The following NCKAP1L variants were observed in gnomAD, a reference collection of about 807,000 sequenced individuals.
NCKAP1L encodes NCK associated protein 1 like.
In NCKAP1L, 53 loss-of-function variants were observed where a neutral mutation model predicts 139.2. The observed-to-expected ratio is 0.38, with a 90% CI of 0.31 to 0.48. The LOEUF (loss-of-function observed/expected upper bound fraction) is 0.48. Ranked by LOEUF, NCKAP1L falls within the 20% of genes least tolerant of loss-of-function variation. NCKAP1L has a pLI of 0.98. For synonymous variants in NCKAP1L, 468 were observed against 499.7 expected, an observed-to-expected ratio of 0.94 and a Z score of 0.85; for missense variants, 1,151 against 1,381.9, an observed-to-expected ratio of 0.83 and a Z score of 2.65.
intron 29 of NCKAP1L, among the ~76,000 whole-genome samples, chr12:54,537,884 C>T (rs1957125125): frequency 6.6e-6 from 1 of 152,026 alleles, no homozygotes; most frequent in South Asian, 2.1e-4. Context: ...AAATTTTAGC[C>T]AAAATTTGAC....
intron 9 of NCKAP1L, among the ~76,000 whole-genome samples, chr12:54,513,734 G>A (rs1241465083): frequency 9.9e-5 from 15 of 152,172 alleles, no homozygotes; most frequent in Admixed American, 9.8e-4. Context: ...CTGGGCTGCA[G>A]TGAGTTTAGG....
intron 29 of NCKAP1L, among the ~76,000 whole-genome samples, 162 bp downstream of exon 29, chr12:54,537,215 C>T (rs1447300149): frequency 6.6e-6 from 1 of 152,182 alleles, no homozygotes; most frequent in African/African-American, 2.4e-5. Flanking sequence ...GCAAGAGTTT[C>T]TTCTAAATTT....
chr12:54,532,549 T>A (rs1388439458), intron 26 of NCKAP1L, among the ~76,000 whole-genome samples: 2 of 152,140 alleles, frequency 1.3e-5, no homozygotes, highest in Non-Finnish European at 2.9e-5. Context: ...ATATGAGCAC[T>A]GTGCAAATTA....
At chr12:54,506,661 GGCCTCAA>G (rs1956841073) in intron 3 of NCKAP1L, among the ~76,000 whole-genome samples, 1 of 148,264 alleles carries the variant, frequency 6.7e-6, no homozygotes, top group Non-Finnish European at 1.5e-5. Context: ...TTGAACTCCT[GGCCTCAA>G]GTGAACCTCC....
At chr12:54,532,022 A>G (rs1028418139) in intron 25 of NCKAP1L, 148 bp from the exon 26 acceptor site, 19 of 753,974 alleles carry the variant, frequency 2.5e-5, no homozygotes, top group Non-Finnish European at 1.1e-5. Context: ...TAGGAAACCT[A>G]GAGGCATAAG....
Position 54,538,244 on chromosome 12 carries a change from C to A in NCKAP1L, c.3184-640C>A, listed in dbSNP as rs190946321. Among the ~76,000 whole-genome samples, 421 of 152,302 alleles carry A rather than the reference C, an allele frequency of 2.8e-3. 9 individuals are homozygous for A. Among genetic ancestry groups the A allele is most frequent in the Admixed American group, 0.027 (406 of 15,294 alleles). On this transcript the variant is annotated intron_variant, in intron 29 of 30. Coordinates refer to ENST00000293373, the MANE Select transcript of NCKAP1L (RefSeq NM_005337.5). ...TCTCTATTTAAGCTGAGGCACCCAA[C>A]CAGATAGACCTGGCTCTCAGCATCT...
At chr12:54,521,017 G>T in intron 17 of NCKAP1L, 102 bp from the exon 18 acceptor site, 1 of 1,566,506 alleles carries the variant, frequency 6.4e-7, no homozygotes, top group Non-Finnish European at 8.7e-7. Flanking sequence ...GAATGGGTAG[G>T]AATCTTCTGT....
intron 7 of NCKAP1L, among the ~76,000 whole-genome samples, chr12:54,510,827 AT>A (rs1368806229): frequency 2.7e-5 from 4 of 150,050 alleles, no homozygotes; most frequent in African/African-American, 9.8e-5. Context: ...CAGCCTGTTT[AT>A]TTTTTTGTAG....
intron 7 of NCKAP1L, among the ~76,000 whole-genome samples, 169 bp downstream of exon 7, chr12:54,510,154 T>C (rs977262471): frequency 3.9e-5 from 6 of 152,138 alleles, no homozygotes; most frequent in African/African-American, 1.4e-4. Flanking sequence ...CATGGTTGGT[T>C]TGGGGCTTTT....
intron 30 of NCKAP1L, among the ~76,000 whole-genome samples, chr12:54,540,227 G>A (rs952827629): frequency 6.6e-6 from 1 of 152,196 alleles, no homozygotes; most frequent in Non-Finnish European, 1.5e-5. Flanking sequence ...AATGCTAGGG[G>A]CCAGGGATTC....
At chr12:54,542,443 G>A in intron 30 of NCKAP1L, 132 bp from the exon 31 acceptor site, 2 of 689,880 alleles carry the variant, frequency 2.9e-6, no homozygotes, top group Non-Finnish European at 5.2e-6. Flanking sequence ...GGAAGAGGGG[G>A]GTGTGATTTG....
Position 54,509,763 on chromosome 12 carries a change from A to G in NCKAP1L, c.597+4A>G, listed in dbSNP as rs1364634128. Reference sequence around the variant, plus strand: ...AGAGTTTGGGCCTCACACAAAGGCAAGTTCCCTGACAATGGAGAATTCCTC... The same window carrying G: ...AGAGTTTGGGCCTCACACAAAGGCAGGTTCCCTGACAATGGAGAATTCCTC... On this transcript the variant is annotated splice_donor_region_variant and intron_variant, in intron 6 of 30. Transcript: ENST00000293373. The G allele has an allele frequency of 1.2e-6, 2 of 1,614,070 alleles. No individual in the cohort carries two copies. The highest frequency in any genetic ancestry group is 1.6e-4 in the Middle Eastern group (1 of 6,084).
intron 3 of NCKAP1L, among the ~76,000 whole-genome samples, chr12:54,506,068 C>A (rs1481866580): frequency 6.6e-6 from 1 of 152,166 alleles, no homozygotes; most frequent in Non-Finnish European, 1.5e-5. Context: ...GGCCATTATG[C>A]GTAAGTTGCT....
At chr12:54,530,826 C>G (rs947520559) in intron 22 of NCKAP1L, among the ~76,000 whole-genome samples, 1 of 152,204 alleles carries the variant, frequency 6.6e-6, no homozygotes, top group Admixed American at 6.5e-5. Context: ...TATTTACTCT[C>G]ACATCAATTC....
chr12:54,541,868 G>A (rs910001970), intron 30 of NCKAP1L, among the ~76,000 whole-genome samples: 4 of 151,940 alleles, frequency 2.6e-5, no homozygotes, highest in Admixed American at 2.6e-4. Flanking sequence ...CCTTCCTCAG[G>A]GATGGGGACC....
rs1408100079 is a variant in NCKAP1L at position 54,546,809 on chromosome 12, G to A, written c.*4124G>A. The stretch of plus-strand genomic sequence containing the variant: ...AGGTTGCAGGTTGAGGAAGTCAGAA[G>A]TTAACTTGAGCTGAGTTTGCAGCTC... On this transcript the variant is annotated 3_prime_UTR_variant, in exon 31 of 31. Transcript: ENST00000293373. 2 of 152,382 alleles carry A rather than the reference G, an allele frequency of 1.3e-5. No homozygotes were observed. The highest frequency in any genetic ancestry group is 2.4e-5 in the African/African-American group (1 of 41,466). The allele number at this position is 152,382 out of a possible 1,614,324, so 9.4% of individuals were successfully genotyped here.
intron 30 of NCKAP1L, among the ~76,000 whole-genome samples, chr12:54,541,027 C>T (rs1352616817): frequency 6.6e-6 from 1 of 152,256 alleles, no homozygotes; most frequent in Non-Finnish European, 1.5e-5. Context: ...ACCAGCACTT[C>T]TGTCCCCAGA....
intron 13 of NCKAP1L, among the ~76,000 whole-genome samples, chr12:54,518,317 G>T (rs2120921168): frequency 6.6e-6 from 1 of 151,870 alleles, no homozygotes; most frequent in South Asian, 2.1e-4. Context: ...ACTCCAGCTT[G>T]GGCGACAGAG....
In NCKAP1L at chr12:54,497,852, C is replaced by T. The variant is rs148959421; in HGVS notation, c.63C>T (p.Arg21=). ...AGAAGCTCACTATCCTGAATGATCG[C>T]GGTCAGGGGGTTCTCATCCGTATGT... ...LAEKLTILND[R]GQGVLIRMYN... The change falls in exon 1 of 31, where the codon CGC becomes CGT. Residue 21 remains arginine (R), a synonymous_variant. Transcript: ENST00000293373. 49 of 1,613,416 alleles carry T rather than the reference C, an allele frequency of 3.0e-5. No individual in the cohort carries two copies. Among genetic ancestry groups the T allele is most frequent in the African/African-American group, 9.3e-5 (7 of 75,018 alleles).
Sources: allele counts gnomAD v4.1 joint callset (sites outside exome capture counted in the v4.1 genomes callset), GRCh38; gene constraint gnomAD v4.1.1; transcripts MANE v1.5; gene names NCBI Gene and HGNC (gene_info 2026-07-23, HGNC 2026-07-21).